The following NADSYN1 variants were observed in gnomAD, a reference collection of about 807,000 sequenced individuals.
NADSYN1 encodes the protein NAD synthetase 1.
Under a neutral mutation model 99.3 loss-of-function variants are expected in NADSYN1, and 80 were observed. The observed-to-expected ratio is 0.81, with a 90% confidence interval of 0.67 to 0.97. The LOEUF is 0.97. Ranked by LOEUF, NADSYN1 falls within the 50% of genes least tolerant of loss-of-function variation. The pLI, the probability that NADSYN1 is intolerant of heterozygous loss-of-function variation, is 0.00. For synonymous variants in NADSYN1, 385 were observed against 372.1 expected (o/e 1.03, Z -0.40); for missense variants, 859 against 948.5 (o/e 0.91, Z 1.24).
intron 5 of NADSYN1, 87 bp downstream of exon 5, chr11:71,464,229 C>A: frequency 9.6e-7 from 1 of 1,045,242 alleles, no homozygotes; most frequent in South Asian, 1.5e-5. Context: ...GGAGTGTTAC[C>A]GGTGGAGGGT....
intron 8 of NADSYN1, among the ~76,000 whole-genome samples, chr11:71,474,085 G>C (rs767090163): frequency 6.6e-6 from 1 of 152,250 alleles, no homozygotes; most frequent in African/African-American, 2.4e-5. Context: ...TTGAGTCTTG[G>C]CTTCATCATG....
At chr11:71,473,802 G>A in intron 8 of NADSYN1, 116 bp downstream of exon 8, 1 of 811,538 alleles carries the variant, frequency 1.2e-6, no homozygotes, top group Non-Finnish European at 2.0e-6. Context: ...TTCCAGGCTA[G>A]TAATTATGGC....
intron 11 of NADSYN1, 183 bp downstream of exon 11, chr11:71,481,062 C>A: frequency 1.2e-6 from 1 of 819,530 alleles, no homozygotes; most frequent in Non-Finnish European, 1.9e-6. Flanking sequence ...TGGGTGTGAC[C>A]CCCAGCCCTG....
intron 2 of NADSYN1, among the ~76,000 whole-genome samples, chr11:71,456,403 G>A (rs12785878): frequency 1.3e-5 from 2 of 151,968 alleles, no homozygotes; most frequent in East Asian, 3.9e-4. Context: ...ACAAAGCTTC[G>A]ATCCTCTCCT....
At chr11:71,496,166 G>C (rs144734618) in intron 18 of NADSYN1, among the ~76,000 whole-genome samples, 5 of 152,240 alleles carry the variant, frequency 3.3e-5, no homozygotes, top group South Asian at 4.1e-4. Flanking sequence ...TGTCACTAAT[G>C]ACCCAGTGGC....
At chr11:71,476,993 G>A (rs535752698) in intron 9 of NADSYN1, 14 of 1,043,838 alleles carry the variant, frequency 1.3e-5, no homozygotes, top group African/African-American at 1.2e-4. Flanking sequence ...CAGAGTGGCC[G>A]CGCTGTCCTC....
Position 71,480,733 on chromosome 11 carries a change from T to G in NADSYN1, c.874-22T>G, listed in dbSNP as rs765340972. ...GTTTCCGTGAAGCTGGGAGTCATTC[T>G]GTCTTGAATCTCCATTGCCAGGCCA... On this transcript the variant is annotated intron_variant, in intron 10 of 20. Transcript: ENST00000319023. The G allele has an allele frequency of 1.9e-6, 3 of 1,613,986 alleles. No homozygotes were observed. In the South Asian group the frequency reaches 3.3e-5, roughly 18 times the overall value.
At chr11:71,472,547 T>A (rs752473382) in intron 6 of NADSYN1, 47 bp downstream of exon 6, 1 of 1,558,324 alleles carries the variant, frequency 6.4e-7, no homozygotes, top group South Asian at 1.1e-5. Context: ...TTGTCGCTGT[T>A]CTCGGCCAAC....
chr11:71,493,389 TG>T (rs1949797004), intron 18 of NADSYN1, among the ~76,000 whole-genome samples: 1 of 152,104 alleles, frequency 6.6e-6, no homozygotes, highest in African/African-American at 2.4e-5. Context: ...CCATATACCC[TG>T]CACCTTGTTG....
At chr11:71,455,003 T>G in intron 1 of NADSYN1, 107 bp from the exon 2 acceptor site, 2 of 740,200 alleles carry the variant, frequency 2.7e-6, no homozygotes, top group Non-Finnish European at 4.4e-6. Context: ...TTTTGTTTGT[T>G]GTTTGTTTTT....
At chr11:71,467,594 A>G (rs1369734373) in intron 5 of NADSYN1, among the ~76,000 whole-genome samples, 1 of 152,250 alleles carries the variant, frequency 6.6e-6, no homozygotes, top group Admixed American at 6.5e-5. Flanking sequence ...ATGTGAATGA[A>G]TAACAAGTAA....
chr11:71,492,887 AT>A (rs140022237), intron 18 of NADSYN1, among the ~76,000 whole-genome samples: 50,527 of 142,514 alleles, frequency 0.35, 10,286 homozygotes, highest in African/African-American at 0.58. Context: ...TTGTCTCTAA[AT>A]TTTTTTTTTT....
intron 1 of NADSYN1, among the ~76,000 whole-genome samples, chr11:71,453,603 G>A (rs1312857559): frequency 6.6e-6 from 1 of 152,240 alleles, no homozygotes; most frequent in Non-Finnish European, 1.5e-5. Context: ...GATATACAAG[G>A]CACGGTTAAG....
chr11:71,471,109 T>TG lies in NADSYN1; in HGVS notation c.408-1336dup, dbSNP rs567161566. ...TCTTTAGGATTTCAGAGCATAAGTG[T>TG]GGGGCTCCTGTTCCTTCTTCCCCGT... is the stretch of plus-strand genomic sequence containing the variant. On this transcript the variant is annotated intron_variant, in intron 5 of 20. Transcript: ENST00000319023. 8.0e-3 allele frequency among the ~76,000 whole-genome samples: 1,215 copies of TG among 152,342 alleles called. 22 individuals are homozygous for TG. Among genetic ancestry groups the TG allele is most frequent in the African/African-American group, 0.028 (1,147 of 41,566 alleles).
intron 10 of NADSYN1, 54 bp from the exon 11 acceptor site, chr11:71,480,701 C>T: frequency 6.2e-7 from 1 of 1,612,356 alleles, no homozygotes; most frequent in Non-Finnish European, 8.5e-7. Flanking sequence ...TCCTGGGGAC[C>T]CAGAGGGTTT....
At chr11:71,495,997 C>T (rs1327793802) in intron 18 of NADSYN1, among the ~76,000 whole-genome samples, 1 of 152,202 alleles carries the variant, frequency 6.6e-6, no homozygotes, top group Non-Finnish European at 1.5e-5. Flanking sequence ...GTGATACCAG[C>T]GGCACCCTGT....
intron 10 of NADSYN1, chr11:71,478,732 G>C: frequency 2.3e-6 from 1 of 434,122 alleles, no homozygotes; most frequent in East Asian, 4.2e-5. Context: ...GAGACAGTCA[G>C]CGTGCTAGGG....
intron 18 of NADSYN1, 24 bp from the exon 19 acceptor site, chr11:71,497,459 G>A: frequency 6.2e-7 from 1 of 1,613,950 alleles, no homozygotes; most frequent in Non-Finnish European, 8.5e-7. Flanking sequence ...CTGTCATCAT[G>A]GAACAGATTT....
rs576938855 is a variant in NADSYN1, at chr11:71,465,226, T to G, written c.407+1084T>G. Among the ~76,000 whole-genome samples, 9 of 152,230 alleles carry G rather than the reference T, an allele frequency of 5.9e-5. No homozygotes were observed. In the East Asian group the frequency reaches 1.5e-3, roughly 26 times the overall value. On this transcript the variant is annotated intron_variant, in intron 5 of 20. Transcript: ENST00000319023. The stretch of plus-strand genomic sequence containing the variant: ...GGGGGCCACTGCGGAAGGAGGTCAT[T>G]GTGCCTGTGTAGGACATTGTGCCCT...
Sources: allele counts gnomAD v4.1 joint callset (sites outside exome capture counted in the v4.1 genomes callset), GRCh38; gene constraint gnomAD v4.1.1; transcripts MANE v1.5; gene names NCBI Gene and HGNC (gene_info 2026-07-23, HGNC 2026-07-21).